ZFAT: variants seen among roughly 807,000 people sequenced by gnomAD.
ZFAT encodes the protein zinc finger protein ZFAT.
A neutral mutation model predicts 117.7 loss-of-function variants in ZFAT; 64 were observed. The ratio of observed to expected loss-of-function variants is 0.54; its 90% CI spans 0.44 to 0.67. ZFAT has a LOEUF of 0.67. Among genes scored for constraint, ZFAT ranks in the 30% least tolerant of loss-of-function variants. ZFAT has a pLI of 0.00. For missense variants in ZFAT, 1,433 were observed against 1,584.5 expected, an observed-to-expected ratio of 0.90 and a Z score of 1.62; for synonymous variants, 679 against 615.0, an observed-to-expected ratio of 1.10 and a Z score of -1.54.
At chr8:134,701,787 A>C (rs1455419909) in intron 1 of ZFAT, among the ~76,000 whole-genome samples, 1 of 152,132 alleles carries the variant, frequency 6.6e-6, no homozygotes, top group Non-Finnish European at 1.5e-5. Flanking sequence ...GATATACCAC[A>C]ATTTGTTTAG....
the ZFAT span, among the ~76,000 whole-genome samples, chr8:134,775,554 T>C: frequency 2.6e-5 from 4 of 152,300 alleles, no homozygotes; most frequent in African/African-American, 4.8e-5. Flanking sequence ...TTGTACCTTG[T>C]CCCGAGAGCC....
the ZFAT span, among the ~76,000 whole-genome samples, chr8:134,721,920 A>C: frequency 5.4e-4 from 83 of 152,314 alleles, no homozygotes; most frequent in African/African-American, 1.9e-3. Context: ...GGAAAATTTA[A>C]AAAACTGTCA....
chr8:134,765,297 C>T, the ZFAT span: 1 of 152,258 alleles, frequency 6.6e-6, no homozygotes, highest in African/African-American at 2.4e-5. Flanking sequence ...CTGAGGCCTA[C>T]TGTATCTCCC....
chr8:134,547,229 A>G (rs1303355080), intron 11 of ZFAT, among the ~76,000 whole-genome samples: 2 of 152,212 alleles, frequency 1.3e-5, no homozygotes, highest in Non-Finnish European at 2.9e-5. Context: ...TGGCCGCTGG[A>G]GCACTGATCA....
Position 134,600,407 on chromosome 8 carries a change from C to T in ZFAT, c.2475+29G>A, listed in dbSNP as rs2277139. On this transcript the variant is annotated intron_variant, in intron 7 of 15. Coordinates refer to ENST00000377838, the MANE Select transcript of ZFAT (RefSeq NM_020863.4). ...GAAAGCAATGAGCACCCAGGGGAGA[C>T]GGGGCTGCCGCTTGGGCTTGCTACT... The T allele has an allele frequency of 3.8e-4, 605 of 1,594,716 alleles. No homozygotes were observed. In the East Asian group the frequency reaches 0.011, roughly 29 times the overall value.
Position 134,509,610 on chromosome 8 carries a change from G to T in ZFAT, c.3492+9C>A. 6.2e-7 allele frequency: 1 copy of T among 1,613,146 alleles called. No individual in the cohort carries two copies. The highest frequency in any genetic ancestry group is 1.6e-4 in the Middle Eastern group (1 of 6,062). ...CAGAGATGAATAGTTACAGAAGGAGGGTCCCTACCTGCTTAACCACAGTCA... is the reference window on the plus strand; with the variant it reads ...CAGAGATGAATAGTTACAGAAGGAGTGTCCCTACCTGCTTAACCACAGTCA... On this transcript the variant is annotated intron_variant, in intron 15 of 15. Coordinates refer to ENST00000377838, the MANE Select transcript of ZFAT (RefSeq NM_020863.4).
intron 1 of ZFAT, among the ~76,000 whole-genome samples, chr8:134,658,274 T>G (rs189046513): frequency 8.2e-5 from 12 of 146,994 alleles, no homozygotes; most frequent in Non-Finnish European, 1.6e-4. Context: ...GAGGTGAAGC[T>G]TGCAGTGAGC....
At chr8:134,806,074 G>A in the ZFAT span, among the ~76,000 whole-genome samples, 4 of 152,198 alleles carry the variant, frequency 2.6e-5, no homozygotes, top group Non-Finnish European at 4.4e-5. Context: ...TTAAGTCACA[G>A]TGATTTATGA....
intron 1 of ZFAT, among the ~76,000 whole-genome samples, chr8:134,691,353 AG>A (rs1833575547): frequency 6.6e-6 from 1 of 152,036 alleles, no homozygotes; most frequent in Non-Finnish European, 1.5e-5. Flanking sequence ...GGCGGGGCTC[AG>A]GTGGTGGCCA....
intron 1 of ZFAT, chr8:134,674,941 T>C (rs1832723134): frequency 1.3e-5 from 2 of 154,112 alleles, no homozygotes; most frequent in Admixed American, 1.3e-4. Flanking sequence ...CAGAATGGAA[T>C]AGTATCAGCA....
intron 9 of ZFAT, among the ~76,000 whole-genome samples, chr8:134,586,826 G>T (rs1826101378): frequency 1.3e-5 from 2 of 152,120 alleles, no homozygotes; most frequent in African/African-American, 4.8e-5. Flanking sequence ...GAATCAGATG[G>T]CATTGGTTCA....
the ZFAT span, among the ~76,000 whole-genome samples, chr8:134,803,081 C>T: frequency 2.6e-5 from 4 of 152,202 alleles, no homozygotes; most frequent in African/African-American, 7.2e-5. Context: ...TTACATAACA[C>T]AGATTGCCCC....
At chr8:134,681,934 T>A (rs1563758993) in intron 1 of ZFAT, among the ~76,000 whole-genome samples, 1 of 152,346 alleles carries the variant, frequency 6.6e-6, no homozygotes, top group Non-Finnish European at 1.5e-5. Flanking sequence ...CTTTTTTATA[T>A]ATTCAGGAAG....
At chr8:134,501,788 G>A (rs1818999278) in intron 15 of ZFAT, among the ~76,000 whole-genome samples, 1 of 152,204 alleles carries the variant, frequency 6.6e-6, no homozygotes, top group South Asian at 2.1e-4. Context: ...TCAAAAAAGT[G>A]CCTCTGTGGG....
chr8:134,575,008 C>T (rs1346457013), intron 10 of ZFAT, among the ~76,000 whole-genome samples: 1 of 151,836 alleles, frequency 6.6e-6, no homozygotes, highest in Non-Finnish European at 1.5e-5. Context: ...GTGACTTAAT[C>T]TTTCCTAATG....
At chr8:134,786,970 T>C in the ZFAT span, among the ~76,000 whole-genome samples, 1 of 151,926 alleles carries the variant, frequency 6.6e-6, no homozygotes, top group Non-Finnish European at 1.5e-5. Context: ...TGCCCCAGCC[T>C]GCCAAGTAAC....
intron 10 of ZFAT, among the ~76,000 whole-genome samples, chr8:134,578,699 C>T (rs1398485922): frequency 6.6e-6 from 1 of 152,054 alleles, no homozygotes; most frequent in African/African-American, 2.4e-5. Context: ...AGAATGGAGG[C>T]AGGAGATGAC....
At chr8:134,755,817 C>CAAAAAAAAAAAAAAAAAAAAAAAAAAAAA in the ZFAT span, among the ~76,000 whole-genome samples, 1 of 89,998 alleles carries the variant, frequency 1.1e-5, no homozygotes, top group African/African-American at 4.2e-5. Context: ...GACTCCATCT[C>CAAAAAAAAAAAAAAAAAAAAAAAAAAAAA]AAAAAAAAAA....
chr8:134,486,248 C>T (rs1023115285), intron 15 of ZFAT, among the ~76,000 whole-genome samples: 5 of 151,842 alleles, frequency 3.3e-5, no homozygotes, highest in Admixed American at 2.0e-4. Context: ...AGTGCCCTCC[C>T]GCAAGCCTGT....
Sources: allele counts gnomAD v4.1 joint callset (sites outside exome capture counted in the v4.1 genomes callset), GRCh38; gene constraint gnomAD v4.1.1; transcripts MANE v1.5; gene names NCBI Gene and HGNC (gene_info 2026-07-23, HGNC 2026-07-21).